The following CDYL2 variants were observed in gnomAD, a reference collection of about 807,000 sequenced individuals.
The protein encoded by CDYL2 is chromodomain Y-like protein 2.
CDYL2 carries 23 observed loss-of-function variants against 49.4 expected under a neutral mutation model. The ratio of observed to expected loss-of-function variants is 0.47; its 90% confidence interval spans 0.34 to 0.66. The LOEUF (loss-of-function observed/expected upper bound fraction) is 0.66. CDYL2 is among the 30% of genes least tolerant of loss of function. The pLI, the probability that CDYL2 is intolerant of heterozygous loss-of-function variation, is 0.01. For missense variants in CDYL2, 678 were observed against 656.4 expected (o/e 1.03, Z -0.36); for synonymous variants, 360 against 268.8 (o/e 1.34, Z -3.32).
chr16:80,748,022 G>A (rs1439085728), intron 1 of CDYL2, among the ~76,000 whole-genome samples: 1 of 151,668 alleles, frequency 6.6e-6, no homozygotes, highest in Non-Finnish European at 1.5e-5. Context: ...AGTGAACTCT[G>A]TGACTCCAGC....
intron 1 of CDYL2, among the ~76,000 whole-genome samples, chr16:80,689,286 A>G (rs17753023): frequency 0.018 from 2,755 of 152,312 alleles, 29 homozygotes; most frequent in Admixed American, 0.026. Flanking sequence ...TATTATTACC[A>G]GTGCCAGGAT....
intron 1 of CDYL2, among the ~76,000 whole-genome samples, chr16:80,747,142 TAAAAC>T (rs1905960559): frequency 6.6e-6 from 1 of 152,034 alleles, no homozygotes; most frequent in Admixed American, 6.6e-5. Flanking sequence ...CAAAACAAAA[TAAAAC>T]AAAAGATAGA....
intron 2 of CDYL2, among the ~76,000 whole-genome samples, chr16:80,673,144 C>G (rs1909599769): frequency 1.3e-5 from 2 of 151,648 alleles, no homozygotes; most frequent in Admixed American, 6.6e-5. Context: ...ATGGTGAAAC[C>G]CCATTTCTAC....
At chr16:80,692,971 G>C (rs547125621) in intron 1 of CDYL2, among the ~76,000 whole-genome samples, 1 of 152,244 alleles carries the variant, frequency 6.6e-6, no homozygotes, top group Admixed American at 6.5e-5. Flanking sequence ...TCTGTGCAGA[G>C]AAGTACCACT....
At chr16:80,745,149 C>T (rs1905882100) in intron 1 of CDYL2, among the ~76,000 whole-genome samples, 1 of 152,196 alleles carries the variant, frequency 6.6e-6, no homozygotes, top group South Asian at 2.1e-4. Flanking sequence ...GCAAGTTCAA[C>T]AAACCAATCA....
chr16:80,791,718 G>A (rs1318678835), intron 1 of CDYL2, among the ~76,000 whole-genome samples: 1 of 152,174 alleles, frequency 6.6e-6, no homozygotes, highest in Admixed American at 6.5e-5. Flanking sequence ...ACTGAAAACA[G>A]ATTTCTCTGG....
In CDYL2 at chr16:80,758,541, C is replaced by CTT. The variant is rs58565125; in HGVS notation, c.24+45607_24+45608dup. Among the ~76,000 whole-genome samples, 233 of 117,094 alleles carry CTT rather than the reference C, an allele frequency of 2.0e-3. 2 individuals are homozygous for CTT. Among genetic ancestry groups the CTT allele is most frequent in the Non-Finnish European group, 2.4e-3 (135 of 57,210 alleles). The allele number at this position is 117,094 out of a possible 152,430, so 76.8% of individuals were successfully genotyped here. ...ATAAATACAGAAGTTTGCTGCAGCACTTTTTTTTTTTTTTTTTTTTGTGAC... is the reference window on the plus strand; with the variant it reads ...ATAAATACAGAAGTTTGCTGCAGCACTTTTTTTTTTTTTTTTTTTTTTGTGAC... On this transcript the variant is annotated intron_variant, in intron 1 of 6. Transcript: ENST00000570137.
At chr16:80,629,076 G>C (rs1006324161) in intron 3 of CDYL2, among the ~76,000 whole-genome samples, 1 of 152,304 alleles carries the variant, frequency 6.6e-6, no homozygotes, top group Admixed American at 6.5e-5. Flanking sequence ...GGTATGTGAG[G>C]TGGGCTGCAC....
chr16:80,659,864 T>G (rs542817644), intron 2 of CDYL2, among the ~76,000 whole-genome samples: 119 of 152,106 alleles, frequency 7.8e-4, no homozygotes, highest in African/African-American at 2.8e-3. Flanking sequence ...GTTCTCAGTT[T>G]GAAAGAGCAC....
At chr16:80,655,421 G>A (rs956303173) in intron 2 of CDYL2, among the ~76,000 whole-genome samples, 1 of 152,192 alleles carries the variant, frequency 6.6e-6, no homozygotes, top group African/African-American at 2.4e-5. Flanking sequence ...TTGGGTTGGG[G>A]AGATGAAAAG....
At chr16:80,634,996 A>G (rs1025486771) in intron 2 of CDYL2, among the ~76,000 whole-genome samples, 1 of 152,240 alleles carries the variant, frequency 6.6e-6, no homozygotes, top group Non-Finnish European at 1.5e-5. Flanking sequence ...TTGCCCTAAT[A>G]CCAAAGCCAG....
intron 1 of CDYL2, among the ~76,000 whole-genome samples, chr16:80,758,941 A>G (rs1048314605): frequency 6.6e-6 from 1 of 151,692 alleles, no homozygotes; most frequent in Non-Finnish European, 1.5e-5. Flanking sequence ...ATAATATAAG[A>G]AAATACTAAC....
chr16:80,659,488 A>G (rs1908952711), intron 2 of CDYL2, among the ~76,000 whole-genome samples: 1 of 152,182 alleles, frequency 6.6e-6, no homozygotes. Context: ...TTAAAAGAAT[A>G]TCCTTTTATA....
intron 1 of CDYL2, among the ~76,000 whole-genome samples, chr16:80,728,544 C>G (rs1457301740): frequency 6.6e-6 from 1 of 152,174 alleles, no homozygotes; most frequent in Non-Finnish European, 1.5e-5. Flanking sequence ...TCCAGGAGAA[C>G]TTGCCCAATC....
At chr16:80,766,221 G>C (rs1406464867) in intron 1 of CDYL2, among the ~76,000 whole-genome samples, 1 of 151,902 alleles carries the variant, frequency 6.6e-6, no homozygotes, top group Non-Finnish European at 1.5e-5. Context: ...CTACCGAATT[G>C]CATATTTTAA....
At chr16:80,627,898 G>A (rs114359768) in intron 3 of CDYL2, 2 of 152,338 alleles carry the variant, frequency 1.3e-5, no homozygotes, top group African/African-American at 4.8e-5. Flanking sequence ...GTCTGCTGGA[G>A]AGAACAGACT....
chr16:80,747,632 T>A (rs1012857988), intron 1 of CDYL2, among the ~76,000 whole-genome samples: 1 of 152,126 alleles, frequency 6.6e-6, no homozygotes, highest in African/African-American at 2.4e-5. Flanking sequence ...AGCATCAGGA[T>A]TGAGCTTCGT....
rs57651431 is a variant in CDYL2, at chr16:80,783,161, T to C, written c.24+20989A>G. Among the ~76,000 whole-genome samples the C allele has an allele frequency of 2.3e-3, 348 of 152,096 alleles. 1 individual carries two copies. The highest frequency in any genetic ancestry group is 7.9e-3 in the African/African-American group (330 of 41,524). ...AAATCATGTATCTGAAACTCAACAA[T>C]TCAACAACAAAAAAACAAACACCTC... On this transcript the variant is annotated intron_variant, in intron 1 of 6. Coordinates refer to ENST00000570137, the MANE Select transcript of CDYL2 (RefSeq NM_152342.4).
intron 1 of CDYL2, among the ~76,000 whole-genome samples, chr16:80,725,653 T>C (rs767821955): frequency 6.6e-6 from 1 of 152,174 alleles, no homozygotes; most frequent in Non-Finnish European, 1.5e-5. Flanking sequence ...GTTCCAGCAG[T>C]CCACAAGAAA....
Sources: gnomAD v4.1 joint callset for allele counts (sites outside exome capture counted in the v4.1 genomes callset) on GRCh38, gnomAD v4.1.1 for gene constraint, MANE v1.5 for transcripts, NCBI Gene and HGNC (gene_info 2026-07-23, HGNC 2026-07-21) for gene names.